CNTNAP5: variants seen among roughly 807,000 people sequenced by gnomAD.
CNTNAP5 encodes the protein contactin associated protein family member 5.
A neutral mutation model predicts 150.2 loss-of-function variants in CNTNAP5; 72 were observed. That is an observed-to-expected ratio of 0.48 (90% CI 0.40 to 0.58). The LOEUF (loss-of-function observed/expected upper bound fraction) is 0.58, where lower values mean the gene tolerates loss of function less well. Ranked by LOEUF, CNTNAP5 falls within the 20% of genes least tolerant of loss-of-function variation. The pLI, the probability that CNTNAP5 is intolerant of heterozygous loss-of-function variation, is 0.00. For synonymous variants in CNTNAP5, 672 were observed against 619.8 expected, an observed-to-expected ratio of 1.08 and a Z score of -1.25; for missense variants, 1,636 against 1,626.2, an observed-to-expected ratio of 1.01 and a Z score of -0.10.
At chr2:124,342,954 T>G (rs1482641366) in intron 3 of CNTNAP5, among the ~76,000 whole-genome samples, 1 of 152,182 alleles carries the variant, frequency 6.6e-6, no homozygotes, top group Non-Finnish European at 1.5e-5. Flanking sequence ...TCTTGGAAAT[T>G]ATCAAAGTTT....
intron 8 of CNTNAP5, among the ~76,000 whole-genome samples, chr2:124,515,329 T>G (rs1694684421): frequency 6.6e-6 from 1 of 152,170 alleles, no homozygotes; most frequent in African/African-American, 2.4e-5. Flanking sequence ...GACCCCCAGG[T>G]ACCTGTTATC....
At chr2:124,274,559 A>G (rs1357852879) in intron 3 of CNTNAP5, among the ~76,000 whole-genome samples, 1 of 152,102 alleles carries the variant, frequency 6.6e-6, no homozygotes, top group East Asian at 1.9e-4. Flanking sequence ...CCTCTCCCCA[A>G]ACATTAGAAA....
At chr2:124,294,297 G>GA (rs542543625) in intron 3 of CNTNAP5, among the ~76,000 whole-genome samples, 1 of 149,538 alleles carries the variant, frequency 6.7e-6, no homozygotes, top group Non-Finnish European at 1.5e-5. Context: ...AGCAATACAT[G>GA]AAAAAAAATA....
At chr2:124,476,940 A>G (rs1693654778) in intron 7 of CNTNAP5, among the ~76,000 whole-genome samples, 1 of 152,152 alleles carries the variant, frequency 6.6e-6, no homozygotes, top group Non-Finnish European at 1.5e-5. Context: ...TTTCAGCAGC[A>G]TACTTAAAAC....
intron 3 of CNTNAP5, among the ~76,000 whole-genome samples, chr2:124,263,099 A>G (rs1687503296): frequency 6.6e-6 from 1 of 152,138 alleles, no homozygotes; most frequent in Admixed American, 6.6e-5. Context: ...GAATAGTGCC[A>G]CAATAAACAT....
At chr2:124,895,266 T>C (rs1162837953) in intron 21 of CNTNAP5, among the ~76,000 whole-genome samples, 1 of 151,606 alleles carries the variant, frequency 6.6e-6, no homozygotes, top group Non-Finnish European at 1.5e-5. Flanking sequence ...CCAGACCTTA[T>C]GCAATGTCGA....
At chr2:124,704,725 T>C (rs1679597440) in intron 13 of CNTNAP5, among the ~76,000 whole-genome samples, 1 of 152,084 alleles carries the variant, frequency 6.6e-6, no homozygotes, top group Non-Finnish European at 1.5e-5. Context: ...CAGGAGCCTG[T>C]AAATCCTGAC....
rs188567485 is a variant in CNTNAP5 at position 124,849,325 on chromosome 2, T to G, written c.3218-15981T>G. On this transcript the variant is annotated intron_variant, in intron 19 of 23. Coordinates refer to ENST00000682447, the MANE Select transcript of CNTNAP5 (RefSeq NM_001367498.1). The stretch of plus-strand genomic sequence containing the variant: ...TTTCTGGGATCTCTCCTCTATTACT[T>G]TAGTCTATGTGTCTGTTTTGATGCC... 3.3e-5 allele frequency among the ~76,000 whole-genome samples: 5 copies of G among 152,300 alleles called. No homozygotes were observed. In the East Asian group the frequency reaches 9.6e-4, roughly 29 times the overall value.
At position 124,576,925 on chromosome 2, in the gene CNTNAP5, C is replaced by T. The variant is rs559445312; in HGVS notation, c.1756+13602C>T. On this transcript the variant is annotated intron_variant, in intron 11 of 23. Transcript: ENST00000682447. ...CTTCTACATTTTCTGGCCATCTGTG[C>T]GTAGCTTTTGGACTAGTAGCAAGTT... 1.4e-4 allele frequency among the ~76,000 whole-genome samples: 21 copies of T among 152,244 alleles called. No individual in the cohort carries two copies. In the South Asian group the frequency reaches 2.1e-3, roughly 15 times the overall value.
intron 3 of CNTNAP5, among the ~76,000 whole-genome samples, chr2:124,399,272 A>G (rs1042327557): frequency 6.6e-6 from 1 of 152,140 alleles, no homozygotes; most frequent in Admixed American, 6.5e-5. Context: ...AATGTGGGTT[A>G]TTATGTGGTT....
At chr2:124,806,683 T>C (rs530797650) in intron 19 of CNTNAP5, among the ~76,000 whole-genome samples, 182 of 152,308 alleles carry the variant, frequency 1.2e-3, no homozygotes, top group African/African-American at 4.3e-3. Context: ...TTATGATGCT[T>C]CATTGTTTAT....
Position 124,668,849 on chromosome 2 carries a change from G to A in CNTNAP5, c.2077+20891G>A, listed in dbSNP as rs146182686. Among the ~76,000 whole-genome samples the A allele has an allele frequency of 1.6e-3, 247 of 152,290 alleles. 1 individual carries two copies. The highest frequency in any genetic ancestry group is 5.8e-3 in the African/African-American group (242 of 41,568). ...ACAAACTGGAAGATGCTTCTGGAAT[G>A]AGGGAAGGAATGAGGGAAGGTTAGG... is the stretch of plus-strand genomic sequence containing the variant. On this transcript the variant is annotated intron_variant, in intron 13 of 23. Transcript: ENST00000682447.
intron 3 of CNTNAP5, among the ~76,000 whole-genome samples, chr2:124,372,761 T>A (rs573630910): frequency 2.0e-5 from 3 of 152,212 alleles, no homozygotes; most frequent in African/African-American, 7.2e-5. Context: ...TGACTCAGGG[T>A]TCCTGTTATT....
At chr2:124,581,222 C>T (rs13030176) in intron 11 of CNTNAP5, among the ~76,000 whole-genome samples, 55,768 of 151,938 alleles carry the variant, frequency 0.37, 10,374 homozygotes, top group South Asian at 0.49. Context: ...AATTCTTCTC[C>T]GAACATGAGT....
chr2:124,858,716 T>C (rs1330598898), intron 19 of CNTNAP5, among the ~76,000 whole-genome samples: 109 of 152,116 alleles, frequency 7.2e-4, no homozygotes, highest in Non-Finnish European at 8.8e-5. Flanking sequence ...ACACAAAAAA[T>C]AAAAAGAAAC....
intron 13 of CNTNAP5, among the ~76,000 whole-genome samples, chr2:124,656,126 C>A (rs747658020): frequency 9.9e-5 from 15 of 151,216 alleles, no homozygotes; most frequent in Non-Finnish European, 2.2e-4. Context: ...AAATCTGCTT[C>A]TATCTTCTAA....
intron 7 of CNTNAP5, among the ~76,000 whole-genome samples, chr2:124,479,247 TAAGA>T (rs1693711833): frequency 6.6e-6 from 1 of 152,172 alleles, no homozygotes; most frequent in African/African-American, 2.4e-5. Flanking sequence ...ATATGTAGTA[TAAGA>T]AATATATTGC....
At chr2:124,084,723 A>G (rs949474910) in intron 1 of CNTNAP5, among the ~76,000 whole-genome samples, 1 of 152,042 alleles carries the variant, frequency 6.6e-6, no homozygotes, top group Admixed American at 6.6e-5. Flanking sequence ...ATTAAATACA[A>G]AAAAATACAT....
chr2:124,413,896 A>C (rs892923417), intron 3 of CNTNAP5, among the ~76,000 whole-genome samples: 5 of 126,808 alleles, frequency 3.9e-5, no homozygotes, highest in African/African-American at 1.5e-4. Context: ...TAAATAAATA[A>C]ATAAATTAAA....
Sources: gnomAD v4.1 joint callset for allele counts (sites outside exome capture counted in the v4.1 genomes callset) on GRCh38, gnomAD v4.1.1 for gene constraint, MANE v1.5 for transcripts, NCBI Gene and HGNC (gene_info 2026-07-23, HGNC 2026-07-21) for gene names.